GLI2: variants seen among roughly 807,000 people sequenced by gnomAD.
GLI2 encodes the protein GLI family zinc finger 2.
GLI2 carries 22 observed loss-of-function variants against 78.9 expected under a neutral mutation model. That is an observed-to-expected ratio of 0.28 (90% CI 0.20 to 0.40). GLI2 has a LOEUF of 0.40. Ranked by LOEUF, GLI2 falls within the 10% of genes least tolerant of loss-of-function variation. The pLI is 1.00. For missense variants in GLI2, 2,097 were observed against 2,213.2 expected, an observed-to-expected ratio of 0.95 and a Z score of 1.05; for synonymous variants, 974 against 963.7, an observed-to-expected ratio of 1.01 and a Z score of -0.20.
Position 120,990,962 on chromosome 2 carries a change from T to C in GLI2, c.*287T>C. The C allele has an allele frequency of 2.5e-6, 1 of 407,892 alleles. No individual in the cohort carries two copies. Among genetic ancestry groups the C allele is most frequent in the Non-Finnish European group, 4.4e-6 (1 of 228,316 alleles). The allele number at this position is 407,892 out of a possible 1,614,324, so 25.3% of individuals were successfully genotyped here. A position where few individuals can be genotyped will look rare whatever the true frequency, so the allele number is the denominator to read the frequency against. On this transcript the variant is annotated 3_prime_UTR_variant, in exon 14 of 14. Transcript: ENST00000361492. ...GCCTTTGGTGCTTACAGGACCGCGC[T>C]GTTCCGGCTTCTTCACGGCTGACAT...
chr2:120,904,450 C>T lies in GLI2; in HGVS notation c.149-22911C>T, dbSNP rs1023814909. On this transcript the variant is annotated intron_variant, in intron 2 of 13. Coordinates refer to ENST00000361492, the MANE Select transcript of GLI2 (RefSeq NM_001374353.1). ...CTGTCGGTCCCTGGCTTTCTGTGAC[C>T]TCACGAGCTCTGGGTTTTGGTTTTC... Among the ~76,000 whole-genome samples the T allele has an allele frequency of 4.6e-5, 7 of 152,248 alleles. No individual in the cohort carries two copies. The South Asian group carries it at 1.0e-3, about 23-fold the overall frequency.
At chr2:120,928,491 C>T (rs950235425) in intron 3 of GLI2, among the ~76,000 whole-genome samples, 1 of 152,260 alleles carries the variant, frequency 6.6e-6, no homozygotes, top group Non-Finnish European at 1.5e-5. Context: ...GCTCTGAGCT[C>T]TCCTCTCACC....
intron 3 of GLI2, among the ~76,000 whole-genome samples, chr2:120,934,091 G>A (rs749883952): frequency 3.5e-4 from 53 of 152,338 alleles, no homozygotes; most frequent in Middle Eastern, 3.4e-3. Flanking sequence ...CTTATTTACA[G>A]GCGCCCATAG....
chr2:120,895,840 G>A lies in GLI2; in HGVS notation c.149-31521G>A, dbSNP rs912314927. The stretch of plus-strand genomic sequence containing the variant: ...CCCCTCGTCTTGTAATCCCTTCCTT[G>A]CCTCTTTTTAAAAGGAAAGGTTTGA... On this transcript the variant is annotated intron_variant, in intron 2 of 13. Transcript: ENST00000361492. Among the ~76,000 whole-genome samples the A allele has an allele frequency of 5.9e-5, 9 of 152,282 alleles. No individual in the cohort carries two copies. The South Asian group carries it at 1.5e-3, about 25-fold the overall frequency.
At chr2:120,956,288 G>C (rs1482343370) in intron 5 of GLI2, among the ~76,000 whole-genome samples, 1 of 152,136 alleles carries the variant, frequency 6.6e-6, no homozygotes, top group Non-Finnish European at 1.5e-5. Context: ...TTGAAGGATG[G>C]AGTAGTAACT....
chr2:120,988,830 T>A lies in GLI2; in HGVS notation c.2865T>A (p.Pro955=), dbSNP rs747247646. 2.8e-4 allele frequency: 404 copies of A among 1,463,760 alleles called. No individual in the cohort carries two copies. The African/African-American group carries it at 5.6e-3, about 20-fold the overall frequency. The allele number at this position is 1,463,760 out of a possible 1,614,324, so 90.7% of individuals were successfully genotyped here. A position where few individuals can be genotyped will look rare whatever the true frequency, so the allele number is the denominator to read the frequency against. The part of the protein sequence containing the change: ...PGGGARRASD[P]VRRPDALSLP... ...GCGGAGCCAGGCGGGCCAGCGACCC[T>A]GTGCGGCGGCCCGATGCCCTGTCCC... Residue 955 remains proline, a synonymous_variant, in exon 14 of 14, where the codon CCT becomes CCA. Coordinates refer to ENST00000361492, the MANE Select transcript of GLI2 (RefSeq NM_001374353.1).
At chr2:120,963,598 G>A (rs1681695494) in intron 5 of GLI2, among the ~76,000 whole-genome samples, 1 of 151,956 alleles carries the variant, frequency 6.6e-6, no homozygotes, top group South Asian at 2.1e-4. Context: ...GGGTGTGTGT[G>A]TGTCCACCTG....
intron 2 of GLI2, among the ~76,000 whole-genome samples, chr2:120,889,253 G>A (rs1392612723): frequency 6.6e-6 from 1 of 152,198 alleles, no homozygotes; most frequent in Admixed American, 6.5e-5. Context: ...CTCTTTCTTT[G>A]TATCACGTCT....
chr2:120,875,084 T>A (rs1321891020), intron 2 of GLI2, among the ~76,000 whole-genome samples: 1 of 152,236 alleles, frequency 6.6e-6, no homozygotes, highest in African/African-American at 2.4e-5. Flanking sequence ...TGGCCTGTGT[T>A]CTGTGCTGGG....
chr2:120,917,984 GGATT>G (rs1394184581), intron 2 of GLI2, among the ~76,000 whole-genome samples: 6 of 152,248 alleles, frequency 3.9e-5, no homozygotes, highest in Middle Eastern at 3.4e-3. Context: ...TGGCCAGCAG[GGATT>G]AATTTATAGA....
chr2:120,895,774 TG>T (rs1392598504), intron 2 of GLI2, among the ~76,000 whole-genome samples: 9 of 152,212 alleles, frequency 5.9e-5, no homozygotes, highest in African/African-American at 2.2e-4. Flanking sequence ...CCTGGGAGGA[TG>T]GGCCCGGAAC....
chr2:120,992,050 A>ACACACACACCCC lies in GLI2; in HGVS notation c.*1376_*1377insACACACACCCCC, dbSNP rs1553480327. On this transcript the variant is annotated 3_prime_UTR_variant, in exon 14 of 14. Coordinates refer to ENST00000361492, the MANE Select transcript of GLI2 (RefSeq NM_001374353.1). The stretch of plus-strand genomic sequence containing the variant: ...CACACACACACACACACACACACAC[A>ACACACACACCCC]CCCCAAACCTTTTCATGGGGAATGT... The ACACACACACCCC allele has an allele frequency of 4.2e-4, 62 of 146,994 alleles. No homozygotes were observed. Among genetic ancestry groups the ACACACACACCCC allele is most frequent in the Non-Finnish European group, 7.4e-4 (50 of 67,394 alleles). 9.1% of individuals were successfully genotyped at this position (146,994 alleles called of 1,614,324 possible).
At chr2:120,886,111 G>T (rs909467836) in intron 2 of GLI2, among the ~76,000 whole-genome samples, 1 of 146,916 alleles carries the variant, frequency 6.8e-6, no homozygotes, top group African/African-American at 2.5e-5. Context: ...TGGTTTTGGG[G>T]TTTTTTTTTG....
At chr2:120,916,261 G>A (rs182064153) in intron 2 of GLI2, among the ~76,000 whole-genome samples, 10 of 152,338 alleles carry the variant, frequency 6.6e-5, no homozygotes, top group Admixed American at 3.3e-4. Context: ...TCTCGAGGAC[G>A]CCAGCAAGAG....
At chr2:120,742,022 C>G (rs116536796) in intron 1 of GLI2, among the ~76,000 whole-genome samples, 2,425 of 152,372 alleles carry the variant, frequency 0.016, 59 homozygotes, top group African/African-American at 0.056. Flanking sequence ...GGCCTGCCCT[C>G]TTGCCCGCTT....
chr2:120,852,946 A>C (rs1322586111), intron 2 of GLI2, among the ~76,000 whole-genome samples: 1 of 152,196 alleles, frequency 6.6e-6, no homozygotes, highest in Non-Finnish European at 1.5e-5. Flanking sequence ...TGAGTAATGA[A>C]TTCTGTGAGA....
chr2:120,863,141 G>C (rs967912723), intron 2 of GLI2, among the ~76,000 whole-genome samples: 65 of 152,238 alleles, frequency 4.3e-4, no homozygotes, highest in Non-Finnish European at 7.3e-5. Context: ...ACTTAGTCAA[G>C]ACCAATGAGA....
intron 2 of GLI2, among the ~76,000 whole-genome samples, chr2:120,828,170 C>G (rs1686180780): frequency 6.6e-6 from 1 of 152,230 alleles, no homozygotes; most frequent in Admixed American, 6.5e-5. Flanking sequence ...CCATCGATGA[C>G]CAGTGTGTCA....
At chr2:120,985,865 C>G (rs900935743) in intron 12 of GLI2, among the ~76,000 whole-genome samples, 1 of 152,254 alleles carries the variant, frequency 6.6e-6, no homozygotes, top group African/African-American at 2.4e-5. Flanking sequence ...CAACCTGCCC[C>G]TGGCCTTTTG....
Sources: allele counts gnomAD v4.1 joint callset (sites outside exome capture counted in the v4.1 genomes callset), GRCh38; gene constraint gnomAD v4.1.1; transcripts MANE v1.5; gene names NCBI Gene and HGNC (gene_info 2026-07-23, HGNC 2026-07-21).